The following SPOCK3 variants were observed in gnomAD, a reference collection of about 807,000 sequenced individuals.
SPOCK3 encodes the protein testican-3.
Under a neutral mutation model 56.6 loss-of-function variants are expected in SPOCK3, and 30 were observed. The ratio of observed to expected loss-of-function variants is 0.53; its 90% CI spans 0.40 to 0.72. SPOCK3 has a LOEUF of 0.72. Ranked by LOEUF, SPOCK3 falls within the 30% of genes least tolerant of loss-of-function variation. The probability of loss-of-function intolerance (pLI) is 0.00; values close to 1 mark genes in which losing one functional copy is unlikely to be tolerated. For missense variants in SPOCK3, 527 were observed against 530.0 expected (o/e 0.99, Z 0.06); for synonymous variants, 196 against 183.3 (o/e 1.07, Z -0.56).
chr4:166,961,659 C>T (rs926963214), intron 4 of SPOCK3, among the ~76,000 whole-genome samples: 2 of 152,142 alleles, frequency 1.3e-5, no homozygotes, highest in African/African-American at 4.8e-5. Context: ...TGAGATATTC[C>T]TTAATGCTTA....
intron 3 of SPOCK3, among the ~76,000 whole-genome samples, chr4:167,007,502 C>T (rs1749582967): frequency 6.6e-6 from 1 of 151,810 alleles, no homozygotes. Flanking sequence ...GATGTGGAGA[C>T]TGCCTATTCT....
At chr4:166,959,322 A>G (rs1245701379) in intron 4 of SPOCK3, among the ~76,000 whole-genome samples, 1 of 152,132 alleles carries the variant, frequency 6.6e-6, no homozygotes, top group Non-Finnish European at 1.5e-5. Flanking sequence ...GAGCTAAAAG[A>G]TTGAATTCTC....
At chr4:167,002,820 C>T (rs1749078692) in intron 3 of SPOCK3, among the ~76,000 whole-genome samples, 1 of 152,128 alleles carries the variant, frequency 6.6e-6, no homozygotes, top group Non-Finnish European at 1.5e-5. Context: ...GTGTTTTGAG[C>T]TATTTCTAAT....
At chr4:167,209,669 T>C (rs548693254) in intron 2 of SPOCK3, among the ~76,000 whole-genome samples, 1 of 152,274 alleles carries the variant, frequency 6.6e-6, no homozygotes, top group African/African-American at 2.4e-5. Flanking sequence ...AGCCATTACA[T>C]AGAAGATCAA....
In SPOCK3 at chr4:166,918,016, G is replaced by A. The variant is rs79729908; in HGVS notation, c.351-5273C>T. On this transcript the variant is annotated intron_variant, in intron 4 of 10. Transcript: ENST00000357545. Reference sequence around the variant, plus strand: ...GCACTCAATACACCTACTATTTCACGTCCCAAATCATTTGCTTTTTAAAAT... The same window carrying A: ...GCACTCAATACACCTACTATTTCACATCCCAAATCATTTGCTTTTTAAAAT... 5.6e-3 allele frequency among the ~76,000 whole-genome samples: 848 copies of A among 152,188 alleles called. 16 individuals are homozygous for A. Among genetic ancestry groups the A allele is most frequent in the African/African-American group, 0.02 (826 of 41,536 alleles).
At chr4:167,121,809 G>A (rs1470972875) in intron 2 of SPOCK3, among the ~76,000 whole-genome samples, 6 of 151,970 alleles carry the variant, frequency 3.9e-5, no homozygotes, top group Non-Finnish European at 2.9e-5. Context: ...GCAGCTTGGG[G>A]GCACTAAGAA....
At chr4:167,146,895 A>G (rs1764009860) in intron 2 of SPOCK3, among the ~76,000 whole-genome samples, 1 of 152,280 alleles carries the variant, frequency 6.6e-6, no homozygotes, top group Non-Finnish European at 1.5e-5. Flanking sequence ...ATCACACTTA[A>G]AAGAACTAGA....
At chr4:167,050,148 T>C (rs1280973384) in intron 3 of SPOCK3, among the ~76,000 whole-genome samples, 1 of 152,184 alleles carries the variant, frequency 6.6e-6, no homozygotes, top group Non-Finnish European at 1.5e-5. Flanking sequence ...AGCCCTTTGG[T>C]ACCTGCTTCT....
At chr4:167,233,900 A>C (rs1737445206) in intron 2 of SPOCK3, 85 bp downstream of exon 2, 1 of 1,211,248 alleles carries the variant, frequency 8.3e-7, no homozygotes, top group Non-Finnish European at 1.2e-6. Context: ...AACGGAGCCC[A>C]CTCCCCACCC....
chr4:166,994,991 T>C (rs532099255), intron 4 of SPOCK3, among the ~76,000 whole-genome samples: 1 of 152,260 alleles, frequency 6.6e-6, no homozygotes, highest in Admixed American at 6.6e-5. Flanking sequence ...TAAGTAACAA[T>C]TCTACAATGC....
rs180852005 is a variant in SPOCK3, at chr4:166,978,922, G to A, written c.350+21427C>T. Among the ~76,000 whole-genome samples, 316 of 152,212 alleles carry A rather than the reference G, an allele frequency of 2.1e-3. 1 individual carries two copies. Among genetic ancestry groups the A allele is most frequent in the African/African-American group, 6.6e-3 (275 of 41,548 alleles). ...ATTTCCAGAAAAGGGATATGAGTGC[G>A]GAAGAGGCTGGGAAGGAGACATTTC... On this transcript the variant is annotated intron_variant, in intron 4 of 10. Coordinates refer to ENST00000357545, the MANE Select transcript of SPOCK3 (RefSeq NM_001040159.2).
chr4:166,999,442 A>T (rs1233165490), intron 4 of SPOCK3, among the ~76,000 whole-genome samples: 1 of 152,116 alleles, frequency 6.6e-6, no homozygotes, highest in Non-Finnish European at 1.5e-5. Flanking sequence ...CAATGTTATT[A>T]TTCTTATTCT....
chr4:167,064,044 C>T (rs554732245), intron 2 of SPOCK3, among the ~76,000 whole-genome samples: 1 of 151,758 alleles, frequency 6.6e-6, no homozygotes, highest in South Asian at 2.1e-4. Context: ...TTTTTAGTGT[C>T]TCCACTGTAT....
intron 6 of SPOCK3, among the ~76,000 whole-genome samples, chr4:166,860,817 G>GTGTATATATATATATATATATGTA (rs1731172715): frequency 3.2e-5 from 1 of 31,164 alleles, no homozygotes; most frequent in African/African-American, 1.1e-4. Context: ...ATATATATAT[G>GTGTATATATATATATATATATGTA]TATATATATA....
intron 2 of SPOCK3, among the ~76,000 whole-genome samples, chr4:167,221,928 T>G (rs1735958546): frequency 6.6e-6 from 1 of 152,068 alleles, no homozygotes; most frequent in Non-Finnish European, 1.5e-5. Context: ...AACAAAATTA[T>G]CAGATGACCC....
chr4:167,003,014 A>G (rs1221190957), intron 3 of SPOCK3, among the ~76,000 whole-genome samples: 3 of 152,158 alleles, frequency 2.0e-5, no homozygotes, highest in African/African-American at 7.2e-5. Flanking sequence ...TTTGAAATAA[A>G]ACACTATAGT....
chr4:167,123,740 C>CTT (rs901846399), intron 2 of SPOCK3, among the ~76,000 whole-genome samples: 111 of 118,358 alleles, frequency 9.4e-4, no homozygotes, highest in East Asian at 4.9e-3. Flanking sequence ...CATTTCTTTT[C>CTT]TTTTTTTTTT....
intron 2 of SPOCK3, among the ~76,000 whole-genome samples, chr4:167,230,156 T>G (rs1737013075): frequency 6.6e-6 from 1 of 151,932 alleles, no homozygotes; most frequent in Non-Finnish European, 1.5e-5. Context: ...ATTTATGTAT[T>G]TCAGTGAAAT....
chr4:166,918,679 GTAAT>G (rs1738161188), intron 4 of SPOCK3, among the ~76,000 whole-genome samples: 1 of 152,108 alleles, frequency 6.6e-6, no homozygotes, highest in Non-Finnish European at 1.5e-5. Context: ...AGTGGGAGAA[GTAAT>G]TAATGAAAAA....
Sources: allele counts gnomAD v4.1 joint callset (sites outside exome capture counted in the v4.1 genomes callset), GRCh38; gene constraint gnomAD v4.1.1; transcripts MANE v1.5; gene names NCBI Gene and HGNC (gene_info 2026-07-23, HGNC 2026-07-21).